The following KRT20 variants were observed in gnomAD, a reference collection of about 807,000 sequenced individuals.
KRT20 encodes keratin 20.
Under a neutral mutation model 43.0 loss-of-function variants are expected in KRT20, and 41 were observed. That is an observed-to-expected ratio of 0.95 (90% CI 0.74 to 1.24). KRT20 has a LOEUF of 1.24. KRT20 is among the 50% of genes most tolerant of loss of function. KRT20 has a pLI of 0.00. For synonymous variants in KRT20, 207 were observed against 200.6 expected, an observed-to-expected ratio of 1.03 and a Z score of -0.27; for missense variants, 533 against 521.2, an observed-to-expected ratio of 1.02 and a Z score of -0.22.
rs142087896 is a variant in KRT20 at position 40,885,015 on chromosome 17, G to T, written c.171C>A (p.Ser57Arg). 1.3e-3 allele frequency: 2,156 copies of T among 1,614,142 alleles called. 39 individuals carry two copies. In the Admixed American group the frequency reaches 0.026, roughly 20 times the overall value. Residue 57 changes from serine to arginine, a missense_variant, in exon 1 of 8, where the codon AGC becomes AGA. Transcript: ENST00000167588. ...SNSRHTVNYG[S>R]DLTGGGDLFV... Reference sequence around the variant, plus strand: ...ACAGGTCCCCGCCGCCTGTGAGATCGCTCCCATAGTTCACCGTGTGTCTGG... The same window carrying T: ...ACAGGTCCCCGCCGCCTGTGAGATCTCTCCCATAGTTCACCGTGTGTCTGG...
intron 2 of KRT20, 78 bp from the exon 3 acceptor site, chr17:40,880,848 G>A: frequency 8.6e-7 from 1 of 1,163,014 alleles, no homozygotes; most frequent in African/African-American, 1.6e-5. Flanking sequence ...TAATGGGATA[G>A]GTTTTTAAAT....
At position 40,884,685 on chromosome 17, in the gene KRT20, T is replaced by G; in HGVS notation, c.390+111A>C. ...TGAAAGAATTTTTATAGATGTAACA[T>G]TTTAGCCTAATTTGCTTTACAAAGT... is the stretch of plus-strand genomic sequence containing the variant. On this transcript the variant is annotated intron_variant, in intron 1 of 7. Transcript: ENST00000167588. 4 of 1,232,546 alleles carry G rather than the reference T, an allele frequency of 3.2e-6. No individual in the cohort carries two copies. In the South Asian group the frequency reaches 4.6e-5, roughly 14 times the overall value. The allele number at this position is 1,232,546 out of a possible 1,614,324, so 76.4% of individuals were successfully genotyped here.
At chr17:40,878,423 G>T in intron 5 of KRT20, 58 bp from the exon 6 acceptor site, 1 of 1,281,318 alleles carries the variant, frequency 7.8e-7, no homozygotes, top group Non-Finnish European at 1.1e-6. Flanking sequence ...CAAGAGATGG[G>T]TTAATTTTAA....
intron 2 of KRT20, among the ~76,000 whole-genome samples, chr17:40,881,603 C>T (rs1907601804): frequency 6.6e-6 from 1 of 152,140 alleles, no homozygotes; most frequent in South Asian, 2.1e-4. Context: ...TGCAATGTGA[C>T]ACTCAGTGCT....
rs2143303098 is a variant in KRT20 at position 40,879,804 on chromosome 17, A to G, written c.918+9T>C. 6.2e-7 allele frequency: 1 copy of G among 1,612,824 alleles called. No individual in the cohort carries two copies. The highest frequency in any genetic ancestry group is 8.5e-7 in the Non-Finnish European group (1 of 1,179,790). On this transcript the variant is annotated intron_variant, in intron 5 of 7. Transcript: ENST00000167588. ...CTAGATTGAGAAAGAGAAGTTAGAT[A>G]TGCTTTACCATGCTGAGATGGGACT...
intron 1 of KRT20, among the ~76,000 whole-genome samples, chr17:40,883,960 T>A (rs1283616795): frequency 1.3e-5 from 2 of 152,224 alleles, no homozygotes; most frequent in African/African-American, 4.8e-5. Context: ...TAAATGCGCT[T>A]TGCTCTAAAG....
intron 5 of KRT20, among the ~76,000 whole-genome samples, chr17:40,879,515 A>G (rs1190408720): frequency 6.6e-6 from 1 of 152,140 alleles, no homozygotes; most frequent in Non-Finnish European, 1.5e-5. Context: ...AAGTTTAACT[A>G]CATCATAAAT....
At chr17:40,884,540 T>C (rs553218252) in intron 1 of KRT20, among the ~76,000 whole-genome samples, 12 of 152,324 alleles carry the variant, frequency 7.9e-5, no homozygotes, top group Non-Finnish European at 1.5e-4. Flanking sequence ...GTGACAAAGA[T>C]TCATTTTATT....
At chr17:40,879,792 G>C (rs1168743154) in intron 5 of KRT20, 21 bp downstream of exon 5, 1 of 1,612,312 alleles carries the variant, frequency 6.2e-7, no homozygotes, top group Admixed American at 1.7e-5. Context: ...GATTGAGAAA[G>C]AGAAGTTAGA....
Position 40,876,098 on chromosome 17 carries a change from A to G in KRT20, c.*263T>C, listed in dbSNP as rs1475169472. ...CTACAGCTTGTAATTGATGTGCTTC[A>G]TGATAAAGATGGCAGTAATGATGTT... On this transcript the variant is annotated 3_prime_UTR_variant, in exon 8 of 8. Coordinates refer to ENST00000167588, the MANE Select transcript of KRT20 (RefSeq NM_019010.3). The G allele has an allele frequency of 1.8e-5, 6 of 338,406 alleles. No individual in the cohort carries two copies. The highest frequency in any genetic ancestry group is 3.2e-5 in the Non-Finnish European group (6 of 186,344). The allele number at this position is 338,406 out of a possible 1,614,324, so 21.0% of individuals were successfully genotyped here. A position where few individuals can be genotyped will look rare whatever the true frequency, so the allele number is the denominator to read the frequency against.
intron 1 of KRT20, 124 bp downstream of exon 1, chr17:40,884,672 T>C: frequency 9.2e-7 from 1 of 1,092,684 alleles, no homozygotes; most frequent in Non-Finnish European, 1.3e-6. Flanking sequence ...AAAGAATTTT[T>C]ATAGATGTAA....
chr17:40,879,538 T>C (rs1028349388), intron 5 of KRT20, among the ~76,000 whole-genome samples: 1 of 152,096 alleles, frequency 6.6e-6, no homozygotes, highest in South Asian at 2.1e-4. Context: ...GCACATGTAC[T>C]CCTGAACTTA....
chr17:40,880,987 G>C (rs1597852160), intron 2 of KRT20, among the ~76,000 whole-genome samples: 2 of 152,124 alleles, frequency 1.3e-5, no homozygotes, highest in Non-Finnish European at 2.9e-5. Flanking sequence ...GGGGTGACTG[G>C]TAAAAAGGCA....
chr17:40,882,448 CTTCAGGA>C (rs1907638253), intron 2 of KRT20, 117 bp downstream of exon 2: 1 of 381,616 alleles, frequency 2.6e-6, no homozygotes, highest in Non-Finnish European at 4.8e-6. Context: ...CTCCTTTAGG[CTTCAGGA>C]TTCTGGACAT....
rs1907526117 is a variant in KRT20 at position 40,879,991 on chromosome 17, A to T, written c.793-53T>A. 3.1e-6 allele frequency: 5 copies of T among 1,600,650 alleles called. No individual in the cohort carries two copies. The Admixed American group carries it at 8.7e-5, about 28-fold the overall frequency. ...AGTTGAGGGGTGGAAATAAGAAAGA[A>T]AAGACAGAAAGAGAAAGGAAGAATG... On this transcript the variant is annotated intron_variant, in intron 4 of 7. Coordinates refer to ENST00000167588, the MANE Select transcript of KRT20 (RefSeq NM_019010.3).
In KRT20 at chr17:40,878,249, G is replaced by A; in HGVS notation, c.1035C>T (p.Asn345=). Residue 345 remains asparagine, a synonymous_variant, in exon 6 of 8, where the codon AAC becomes AAT. Coordinates refer to ENST00000167588, the MANE Select transcript of KRT20 (RefSeq NM_019010.3). ...LEAQLMQIRS[N]MERQNNEYHI... Reference sequence around the variant, plus strand: ...GGTATTCGTTGTTCTGGCGTTCCATGTTACTCCGAATCTGCATCAGTTGGG... The same window carrying A: ...GGTATTCGTTGTTCTGGCGTTCCATATTACTCCGAATCTGCATCAGTTGGG... 1.2e-6 allele frequency: 2 copies of A among 1,614,062 alleles called. No homozygotes were observed. The highest frequency in any genetic ancestry group is 2.2e-5 in the South Asian group (2 of 91,076).
chr17:40,879,791 A>G, intron 5 of KRT20, 22 bp downstream of exon 5: 1 of 1,612,104 alleles, frequency 6.2e-7, no homozygotes, highest in Non-Finnish European at 8.5e-7. Flanking sequence ...AGATTGAGAA[A>G]GAGAAGTTAG....
intron 4 of KRT20, 22 bp downstream of exon 4, chr17:40,880,078 C>G: frequency 1.2e-6 from 2 of 1,604,746 alleles, no homozygotes; most frequent in Non-Finnish European, 1.7e-6. Context: ...CGTTTGCTCA[C>G]CCTTTAGAAT....
In KRT20 at chr17:40,880,715, T is replaced by G; in HGVS notation, c.529A>C (p.Asn177His). 6.2e-7 allele frequency: 1 copy of G among 1,602,250 alleles called. No homozygotes were observed. The highest frequency in any genetic ancestry group is 1.1e-5 in the South Asian group (1 of 89,110). ...AGGGTTAGGTCATCAAAGACCTTAT[T>G]CAGGCCTTGGAGATCAGCTTCCACT... ...LTVEADLQGL[N>H]KVFDDLTLHK... The change falls in exon 3 of 8, where the codon AAT becomes CAT. Residue 177 changes from asparagine (N) to histidine (H), a missense_variant. Physicochemically the swap from Asn to His is moderately conservative, Grantham distance 68. Coordinates refer to ENST00000167588, the MANE Select transcript of KRT20 (RefSeq NM_019010.3).
Sources: gnomAD v4.1 joint callset for allele counts (sites outside exome capture counted in the v4.1 genomes callset) on GRCh38, gnomAD v4.1.1 for gene constraint, MANE v1.5 for transcripts, NCBI Gene and HGNC (gene_info 2026-07-23, HGNC 2026-07-21) for gene names.